PHACTR1: variants seen among roughly 807,000 people sequenced by gnomAD.
PHACTR1 encodes the protein RPEL repeat containing 1.
Under a neutral mutation model 69.2 loss-of-function variants are expected in PHACTR1, and 16 were observed. That is an observed-to-expected ratio of 0.23 (90% confidence interval 0.16 to 0.35). The LOEUF (loss-of-function observed/expected upper bound fraction) is 0.35, where lower values mean the gene tolerates loss of function less well. Among genes scored for constraint, PHACTR1 ranks in the 10% least tolerant of loss-of-function variants. The pLI is 1.00. For missense variants in PHACTR1, 510 were observed against 734.7 expected, an observed-to-expected ratio of 0.69 and a Z score of 3.54; for synonymous variants, 312 against 284.5, an observed-to-expected ratio of 1.10 and a Z score of -0.97.
chr6:13,020,126 A>G (rs1800751738), intron 4 of PHACTR1, among the ~76,000 whole-genome samples: 1 of 152,228 alleles, frequency 6.6e-6, no homozygotes. Context: ...AGAAAAGGTA[A>G]GTCCAAGGAG....
intron 5 of PHACTR1, among the ~76,000 whole-genome samples, chr6:13,099,081 A>G (rs1005656043): frequency 2.6e-5 from 4 of 152,176 alleles, no homozygotes; most frequent in Admixed American, 2.0e-4. Flanking sequence ...AGCCACCTCA[A>G]TGCTCTGTGT....
In PHACTR1 at chr6:12,866,297, A is replaced by T. The variant is rs73722898; in HGVS notation, c.250+116507A>T. Among the ~76,000 whole-genome samples, 773 of 152,264 alleles carry T rather than the reference A, an allele frequency of 5.1e-3. 14 individuals are homozygous for T. The highest frequency in any genetic ancestry group is 0.018 in the African/African-American group (739 of 41,542). The stretch of plus-strand genomic sequence containing the variant: ...GCAAACAGATTGCATATATTATAGG[A>T]CCTGAGCTTTTCCTGGTAAAGAAAA... On this transcript the variant is annotated intron_variant, in intron 4 of 14. Coordinates refer to ENST00000332995, the MANE Select transcript of PHACTR1 (RefSeq NM_030948.6).
chr6:12,831,008 A>G (rs991572873), intron 4 of PHACTR1, among the ~76,000 whole-genome samples: 5 of 152,214 alleles, frequency 3.3e-5, no homozygotes, highest in African/African-American at 7.2e-5. Flanking sequence ...TAGAGTAACT[A>G]TCAACTGAAC....
chr6:13,177,172 T>TAAAAAAAAAAAAAAAAAAAAAAA (rs530741132), intron 6 of PHACTR1, among the ~76,000 whole-genome samples: 1 of 63,366 alleles, frequency 1.6e-5, no homozygotes, highest in East Asian at 6.3e-4. Flanking sequence ...ACCCCATCTC[T>TAAAAAAAAAAAAAAAAAAAAAAA]AAAAAAAAAA....
chr6:13,142,573 T>G (rs938163635), intron 5 of PHACTR1, among the ~76,000 whole-genome samples: 1 of 152,230 alleles, frequency 6.6e-6, no homozygotes, highest in Non-Finnish European at 1.5e-5. Flanking sequence ...CACTTGATTT[T>G]TTAATATAAT....
At position 13,230,154 on chromosome 6, in the gene PHACTR1, G is replaced by A. The variant is rs1316275022; in HGVS notation, c.1352G>A (p.Arg451Gln). The A allele has an allele frequency of 1.9e-6, 3 of 1,611,358 alleles. No homozygotes were observed. The highest frequency in any genetic ancestry group is 2.5e-6 in the Non-Finnish European group (3 of 1,179,010). Residue 451 changes from arginine to glutamine, a missense_variant, in exon 10 of 15, where the codon CGG becomes CAG. Around this residue, in one of 2 missense-constraint regions of PHACTR1, gnomAD observed 91 missense variants for 203.8 expected, o/e 0.45. Transcript: ENST00000332995. The stretch of plus-strand genomic sequence containing the variant: ...CTTCCCAGGCAGACGGATGAGGAGC[G>A]GCTGGAGCTGAGGCAACAGATTGGC... ...NILPRQTDEE[R>Q]LELRQQIGTK... is the part of the protein sequence containing the mutation.
intron 10 of PHACTR1, among the ~76,000 whole-genome samples, chr6:13,252,014 C>G (rs1381961501): frequency 6.6e-6 from 1 of 150,598 alleles, no homozygotes; most frequent in Non-Finnish European, 1.5e-5. Context: ...GTGATTGCAC[C>G]ACTGTACTCC....
chr6:12,802,404 A>G (rs1773815816), intron 4 of PHACTR1, among the ~76,000 whole-genome samples: 1 of 152,146 alleles, frequency 6.6e-6, no homozygotes, highest in Non-Finnish European at 1.5e-5. Flanking sequence ...TGTGCAGGCA[A>G]ATGGAATATA....
chr6:12,932,751 C>G (rs1319539594), intron 4 of PHACTR1, among the ~76,000 whole-genome samples: 1 of 152,048 alleles, frequency 6.6e-6, no homozygotes, highest in Non-Finnish European at 1.5e-5. Context: ...TAGAGTAACC[C>G]TAAGAAGTAG....
At chr6:13,182,480 A>G (rs1185749083) in intron 6 of PHACTR1, 39 bp from the exon 7 acceptor site, 1 of 1,603,584 alleles carries the variant, frequency 6.2e-7, no homozygotes. Flanking sequence ...TGAAAGGCAG[A>G]CATTGTCTAA....
intron 3 of PHACTR1, among the ~76,000 whole-genome samples, chr6:12,739,172 T>C (rs1283980256): frequency 6.6e-6 from 1 of 152,208 alleles, no homozygotes; most frequent in African/African-American, 2.4e-5. Context: ...AGAAGCCCAC[T>C]GTCATCATTC....
intron 5 of PHACTR1, among the ~76,000 whole-genome samples, chr6:13,120,509 G>A (rs983516233): frequency 6.6e-6 from 1 of 152,234 alleles, no homozygotes; most frequent in Non-Finnish European, 1.5e-5. Context: ...ACAGGGTGGG[G>A]AGGAGAAAGT....
chr6:12,812,430 A>T (rs1033902854), intron 4 of PHACTR1, among the ~76,000 whole-genome samples: 1 of 152,214 alleles, frequency 6.6e-6, no homozygotes, highest in Non-Finnish European at 1.5e-5. Context: ...TCCTTGTAAT[A>T]GCACTAAGAT....
chr6:12,895,476 C>A lies in PHACTR1; in HGVS notation c.250+145686C>A, dbSNP rs1393195770. Among the ~76,000 whole-genome samples the A allele has an allele frequency of 2.0e-5, 3 of 152,112 alleles. 1 individual carries two copies. In the East Asian group the frequency reaches 5.8e-4, roughly 29 times the overall value. On this transcript the variant is annotated intron_variant, in intron 4 of 14. Transcript: ENST00000332995. ...GGGATTACAGGCATGAGCCACCATG[C>A]CCAGCTGATTCTTTCTATTTTTACT...
At chr6:12,790,896 A>G (rs1375648848) in intron 4 of PHACTR1, among the ~76,000 whole-genome samples, 3 of 152,172 alleles carry the variant, frequency 2.0e-5, no homozygotes, top group Non-Finnish European at 4.4e-5. Flanking sequence ...CTTGGTTGAC[A>G]GTTCTGTCAA....
chr6:13,006,388 C>T (rs1798793764), intron 4 of PHACTR1, among the ~76,000 whole-genome samples: 1 of 152,116 alleles, frequency 6.6e-6, no homozygotes, highest in East Asian at 1.9e-4. Context: ...TGTTTAGAGA[C>T]AGTAAGGTGA....
At chr6:12,753,970 A>ATATT (rs1490045072) in intron 4 of PHACTR1, among the ~76,000 whole-genome samples, 153 of 134,488 alleles carry the variant, frequency 1.1e-3, no homozygotes, top group Middle Eastern at 3.9e-3. Flanking sequence ...ATATATATAT[A>ATATT]TTTTTTTTTT....
chr6:12,903,369 A>C (rs546865514), intron 4 of PHACTR1, among the ~76,000 whole-genome samples: 1 of 152,228 alleles, frequency 6.6e-6, no homozygotes, highest in African/African-American at 2.4e-5. Context: ...CCAACCTAAA[A>C]TAGCATTAGT....
At chr6:12,896,988 T>A (rs1784732528) in intron 4 of PHACTR1, among the ~76,000 whole-genome samples, 1 of 152,196 alleles carries the variant, frequency 6.6e-6, no homozygotes, top group South Asian at 2.1e-4. Flanking sequence ...GAGCAGTTAG[T>A]TCACTGTCAC....
Sources: gnomAD v4.1 joint callset for allele counts (sites outside exome capture counted in the v4.1 genomes callset) on GRCh38, gnomAD v4.1.1 for gene constraint, gnomAD v4.1.1 regional missense constraint, MANE v1.5 for transcripts, NCBI Gene and HGNC (gene_info 2026-07-23, HGNC 2026-07-21) for gene names.